GOLM2: variants seen among roughly 807,000 people sequenced by gnomAD.
GOLM2 encodes the protein protein GOLM2.
GOLM2 carries 26 observed loss-of-function variants against 55.9 expected under a neutral mutation model. The ratio of observed to expected loss-of-function variants is 0.47; its 90% CI spans 0.34 to 0.65. The LOEUF is 0.65. Ranked by LOEUF, GOLM2 falls within the 30% of genes least tolerant of loss-of-function variation. The probability of loss-of-function intolerance (pLI) is 0.01; values close to 1 mark genes in which losing one functional copy is unlikely to be tolerated. For missense variants in GOLM2, 486 were observed against 531.8 expected (o/e 0.91, Z 0.85); for synonymous variants, 165 against 194.6 (o/e 0.85, Z 1.27).
At chr15:44,367,935 A>G (rs1301066437) in intron 6 of GOLM2, among the ~76,000 whole-genome samples, 1 of 151,906 alleles carries the variant, frequency 6.6e-6, no homozygotes, top group Non-Finnish European at 1.5e-5. Context: ...AATTGTTATC[A>G]ATTTGACCAA....
chr15:44,348,621 C>G (rs1316337041), intron 6 of GOLM2: 1 of 152,240 alleles, frequency 6.6e-6, no homozygotes, highest in Admixed American at 6.5e-5. Context: ...GCCCAGCTGG[C>G]TTCATCATCT....
At chr15:44,345,007 T>G (rs1447009712) in intron 6 of GOLM2, among the ~76,000 whole-genome samples, 1 of 151,402 alleles carries the variant, frequency 6.6e-6, no homozygotes, top group African/African-American at 2.4e-5. Context: ...CAGACGGGGT[T>G]TCACCATGTT....
intron 6 of GOLM2, among the ~76,000 whole-genome samples, chr15:44,344,287 G>GTATATATATATATATATATA (rs143483392): frequency 2.9e-5 from 4 of 138,336 alleles, no homozygotes; most frequent in African/African-American, 8.0e-5. Flanking sequence ...ATATGTGTGT[G>GTATATATATATATATATATA]TATATATATA....
At position 44,312,948 on chromosome 15, in the gene GOLM2, G is replaced by A. The variant is rs186387859; in HGVS notation, c.328-10017G>A. Among the ~76,000 whole-genome samples, 357 of 152,122 alleles carry A rather than the reference G, an allele frequency of 2.3e-3. 1 individual carries two copies. The highest frequency in any genetic ancestry group is 8.1e-3 in the African/African-American group (335 of 41,506). On this transcript the variant is annotated intron_variant, in intron 1 of 9. Coordinates refer to ENST00000299957, the MANE Select transcript of GOLM2 (RefSeq NM_138423.4). ...CAAAAAATTAGCTGGGCGTGGTGGCGTGCTCCTGTAATCCCAGCTACTTGG... is the reference window on the plus strand; with the variant it reads ...CAAAAAATTAGCTGGGCGTGGTGGCATGCTCCTGTAATCCCAGCTACTTGG...
At chr15:44,392,831 T>G (rs1023324021) in intron 8 of GOLM2, among the ~76,000 whole-genome samples, 2 of 152,200 alleles carry the variant, frequency 1.3e-5, no homozygotes, top group Admixed American at 6.6e-5. Flanking sequence ...AGGAAATTCA[T>G]GCATTTATGA....
At chr15:44,322,403 T>A (rs1039004436) in intron 1 of GOLM2, among the ~76,000 whole-genome samples, 1 of 152,144 alleles carries the variant, frequency 6.6e-6, no homozygotes, top group Non-Finnish European at 1.5e-5. Context: ...CTACTTCTGA[T>A]TAATGTGAAT....
Position 44,343,880 on chromosome 15 carries a change from T to A in GOLM2, c.802+5563T>A, listed in dbSNP as rs955300961. Reference sequence around the variant, plus strand: ...CTTGTAATTTAAAAATGGACTGTTATATATACTGACAGTTTTGTTTAAGAT... The same window carrying A: ...CTTGTAATTTAAAAATGGACTGTTAAATATACTGACAGTTTTGTTTAAGAT... On this transcript the variant is annotated intron_variant, in intron 6 of 9. Transcript: ENST00000299957. 2.6e-5 allele frequency among the ~76,000 whole-genome samples: 4 copies of A among 151,624 alleles called. No homozygotes were observed. In the South Asian group the frequency reaches 6.2e-4, roughly 24 times the overall value.
At chr15:44,349,450 A>G (rs1298304498) in intron 6 of GOLM2, among the ~76,000 whole-genome samples, 1 of 152,194 alleles carries the variant, frequency 6.6e-6, no homozygotes, top group African/African-American at 2.4e-5. Flanking sequence ...TATAACAGTT[A>G]TACATATATA....
intron 8 of GOLM2, among the ~76,000 whole-genome samples, chr15:44,398,094 G>T (rs923249877): frequency 1.3e-5 from 2 of 152,196 alleles, no homozygotes; most frequent in African/African-American, 4.8e-5. Context: ...GAGCTTAAAA[G>T]AAATCTTGAC....
chr15:44,363,240 A>G (rs932868713), intron 6 of GOLM2, among the ~76,000 whole-genome samples: 2 of 152,210 alleles, frequency 1.3e-5, no homozygotes, highest in Non-Finnish European at 2.9e-5. Flanking sequence ...AGAAACTACC[A>G]TCAGAGTGAA....
At chr15:44,378,197 C>T (rs959391605) in intron 6 of GOLM2, among the ~76,000 whole-genome samples, 1 of 151,236 alleles carries the variant, frequency 6.6e-6, no homozygotes, top group Non-Finnish European at 1.5e-5. Context: ...TACAGGTGCC[C>T]GCCACCACGC....
At chr15:44,405,136 TC>T in intron 9 of GOLM2, among the ~76,000 whole-genome samples, 1 of 152,256 alleles carries the variant, frequency 6.6e-6, no homozygotes, top group South Asian at 2.1e-4. Context: ...TCCTTCTTCC[TC>T]CCCTGGTTCT....
intron 8 of GOLM2, among the ~76,000 whole-genome samples, chr15:44,391,618 A>G (rs1322338834): frequency 6.6e-6 from 1 of 152,100 alleles, no homozygotes; most frequent in Non-Finnish European, 1.5e-5. Context: ...GAACATCAAT[A>G]TAGATCCTAC....
chr15:44,393,880 A>T (rs1290106648), intron 8 of GOLM2, among the ~76,000 whole-genome samples: 2 of 152,054 alleles, frequency 1.3e-5, no homozygotes, highest in African/African-American at 4.8e-5. Flanking sequence ...TTAGTTAGAG[A>T]TGAGGTTTCA....
intron 6 of GOLM2, among the ~76,000 whole-genome samples, chr15:44,356,618 G>A (rs991214241): frequency 9.9e-5 from 15 of 152,228 alleles, no homozygotes; most frequent in Middle Eastern, 3.4e-3. Flanking sequence ...TGGGTTTGCC[G>A]GTGAATTCTA....
intron 2 of GOLM2, among the ~76,000 whole-genome samples, chr15:44,327,643 GGCT>G (rs1276703020): frequency 6.6e-6 from 1 of 152,082 alleles, no homozygotes; most frequent in African/African-American, 2.4e-5. Flanking sequence ...TAACTGCTAA[GGCT>G]GTTAGCTGTT....
At chr15:44,296,874 C>T (rs1356740382) in intron 1 of GOLM2, among the ~76,000 whole-genome samples, 1 of 152,186 alleles carries the variant, frequency 6.6e-6, no homozygotes, top group Non-Finnish European at 1.5e-5. Context: ...ATTTGAGTAT[C>T]AACCTTCTAC....
chr15:44,299,042 C>G (rs1180587487), intron 1 of GOLM2, among the ~76,000 whole-genome samples: 2 of 152,154 alleles, frequency 1.3e-5, no homozygotes, highest in Non-Finnish European at 2.9e-5. Flanking sequence ...TATGTTTCCA[C>G]AAACCAAGGA....
chr15:44,409,095 G>A (rs1475996862), intron 9 of GOLM2, among the ~76,000 whole-genome samples: 1 of 151,900 alleles, frequency 6.6e-6, no homozygotes, highest in East Asian at 1.9e-4. Context: ...GGCTAACAAG[G>A]TGAAACCCCA....
Sources: gnomAD v4.1 joint callset for allele counts (sites outside exome capture counted in the v4.1 genomes callset) on GRCh38, gnomAD v4.1.1 for gene constraint, MANE v1.5 for transcripts, NCBI Gene and HGNC (gene_info 2026-07-23, HGNC 2026-07-21) for gene names.